PACRG: variants seen among roughly 807,000 people sequenced by gnomAD.
PACRG encodes parkin coregulated gene protein.
Under a neutral mutation model 29.7 loss-of-function variants are expected in PACRG, and 29 were observed. The observed-to-expected ratio is 0.98, with a 90% CI of 0.73 to 1.33. PACRG has a LOEUF of 1.33. Among genes scored for constraint, PACRG ranks in the 40% most tolerant of loss-of-function variants. PACRG has a pLI of 0.00. For missense variants in PACRG, 279 were observed against 316.2 expected, an observed-to-expected ratio of 0.88 and a Z score of 0.89; for synonymous variants, 116 against 118.7, an observed-to-expected ratio of 0.98 and a Z score of 0.15.
At chr6:162,981,405 C>G (rs1584930407) in intron 2 of PACRG, among the ~76,000 whole-genome samples, 1 of 151,592 alleles carries the variant, frequency 6.6e-6, no homozygotes, top group Non-Finnish European at 1.5e-5. Flanking sequence ...CACACACGCA[C>G]ACACATATAC....
intron 4 of PACRG, among the ~76,000 whole-genome samples, chr6:163,309,237 G>A (rs1406487229): frequency 6.6e-6 from 1 of 152,244 alleles, no homozygotes; most frequent in Admixed American, 6.5e-5. Flanking sequence ...AACGGCCAGA[G>A]CACAGCCCTA....
chr6:163,284,126 T>A (rs991123716), intron 4 of PACRG, among the ~76,000 whole-genome samples: 1 of 152,160 alleles, frequency 6.6e-6, no homozygotes, highest in Non-Finnish European at 1.5e-5. Context: ...AAAAAAAAAT[T>A]AAATAGGGTT....
chr6:162,863,519 G>A (rs1462728194), intron 2 of PACRG, among the ~76,000 whole-genome samples: 1 of 152,198 alleles, frequency 6.6e-6, no homozygotes, highest in Non-Finnish European at 1.5e-5. Flanking sequence ...AACAAAAGAG[G>A]ATGGCACTGC....
intron 4 of PACRG, among the ~76,000 whole-genome samples, chr6:163,185,365 A>G (rs1047917844): frequency 2.6e-5 from 4 of 152,248 alleles, no homozygotes; most frequent in Non-Finnish European, 4.4e-5. Context: ...ACATGGATCC[A>G]GCTTAATAAG....
intron 3 of PACRG, among the ~76,000 whole-genome samples, chr6:163,074,638 G>A (rs1812375559): frequency 9.2e-6 from 1 of 108,708 alleles, no homozygotes; most frequent in African/African-American, 5.2e-5. Flanking sequence ...ATTACACATT[G>A]CATGCCTGTA....
chr6:163,124,355 G>GT (rs139854089), intron 4 of PACRG, among the ~76,000 whole-genome samples: 4,126 of 151,664 alleles, frequency 0.027, 87 homozygotes, highest in Non-Finnish European at 0.044. Flanking sequence ...GACTTGCTAA[G>GT]TTTTTTTTTA....
chr6:163,177,737 T>TTTTTTTTTTTTTTG (rs1779447560), intron 4 of PACRG, among the ~76,000 whole-genome samples: 5 of 141,882 alleles, frequency 3.5e-5, no homozygotes, highest in South Asian at 2.3e-4. Context: ...TTTTTTTTTT[T>TTTTTTTTTTTTTTG]GCGGGTGGGA....
At chr6:162,843,961 A>T in intron 2 of PACRG, among the ~76,000 whole-genome samples, 1 of 101,396 alleles carries the variant, frequency 9.9e-6, no homozygotes, top group Non-Finnish European at 2.1e-5. Flanking sequence ...CCGTTCTCAG[A>T]TCTCCAGCTG....
At chr6:163,206,220 T>C (rs1291779217) in intron 4 of PACRG, among the ~76,000 whole-genome samples, 2 of 152,138 alleles carry the variant, frequency 1.3e-5, no homozygotes, top group Non-Finnish European at 2.9e-5. Context: ...GGTATATACC[T>C]GAAGTAATAT....
chr6:162,982,325 T>C (rs1190746772), intron 2 of PACRG, among the ~76,000 whole-genome samples: 1 of 152,074 alleles, frequency 6.6e-6, no homozygotes, highest in African/African-American at 2.4e-5. Context: ...CTTTGTCATT[T>C]CTTTTCTTCT....
intron 4 of PACRG, among the ~76,000 whole-genome samples, chr6:163,213,892 G>C (rs1166412917): frequency 6.6e-6 from 1 of 152,128 alleles, no homozygotes; most frequent in Non-Finnish European, 1.5e-5. Context: ...TAAAGATCTA[G>C]CTGTACATTT....
chr6:163,193,267 A>T (rs984626804), intron 4 of PACRG, among the ~76,000 whole-genome samples: 1 of 152,226 alleles, frequency 6.6e-6, no homozygotes, highest in Non-Finnish European at 1.5e-5. Context: ...AATCATTTCC[A>T]TAAGGCTTCA....
chr6:163,216,854 G>C (rs1182184327), intron 4 of PACRG, among the ~76,000 whole-genome samples: 5 of 152,170 alleles, frequency 3.3e-5, no homozygotes, highest in Admixed American at 6.5e-5. Flanking sequence ...AGGTTCTGCT[G>C]TCTTTAACTA....
rs531177095 is a variant in PACRG, at chr6:163,229,458, A to G, written c.614-85369A>G. Among the ~76,000 whole-genome samples, 7 of 152,360 alleles carry G rather than the reference A, an allele frequency of 4.6e-5. No individual in the cohort carries two copies. The East Asian group carries it at 1.4e-3, about 29-fold the overall frequency. The stretch of plus-strand genomic sequence containing the variant: ...CTGCTTCTCAGAGCACTCAGATTGC[A>G]TCTGATCTTTGCTTGCCAGAATCAT... On this transcript the variant is annotated intron_variant, in intron 4 of 4. Transcript: ENST00000366888.
At chr6:162,757,102 T>A (rs1409271558) in intron 1 of PACRG, among the ~76,000 whole-genome samples, 4 of 152,170 alleles carry the variant, frequency 2.6e-5, no homozygotes. Context: ...CAAAATTTTG[T>A]TATAGTTTTA....
chr6:162,835,824 C>T lies in PACRG; in HGVS notation c.291+21543C>T, dbSNP rs1218206564. Among the ~76,000 whole-genome samples, 3 of 152,216 alleles carry T rather than the reference C, an allele frequency of 2.0e-5. No individual in the cohort carries two copies. In the East Asian group the frequency reaches 5.8e-4, roughly 29 times the overall value. ...TTTCAACAAAAAGTAATAACTCACT[C>T]CAACTTTTCAACTCTTTTAAGGTCT... On this transcript the variant is annotated intron_variant, in intron 2 of 4. Coordinates refer to ENST00000366888, the MANE Select transcript of PACRG (RefSeq NM_001080379.2).
At chr6:163,228,937 C>A (rs907380366) in intron 4 of PACRG, among the ~76,000 whole-genome samples, 6 of 152,268 alleles carry the variant, frequency 3.9e-5, no homozygotes, top group African/African-American at 1.4e-4. Context: ...TACTTTCTCC[C>A]TGGACCTGAA....
chr6:162,746,827 A>T (rs1207399566), intron 1 of PACRG, among the ~76,000 whole-genome samples: 2 of 152,180 alleles, frequency 1.3e-5, no homozygotes, highest in Admixed American at 6.5e-5. Flanking sequence ...CATAACTTAC[A>T]GGAAAAAAGA....
intron 4 of PACRG, among the ~76,000 whole-genome samples, chr6:163,261,873 A>T (rs1395257649): frequency 2.0e-5 from 3 of 152,186 alleles, no homozygotes; most frequent in African/African-American, 7.2e-5. Flanking sequence ...TGCACCATTT[A>T]GTATCAGGGA....
Sources: gnomAD v4.1 joint callset for allele counts (sites outside exome capture counted in the v4.1 genomes callset) on GRCh38, gnomAD v4.1.1 for gene constraint, MANE v1.5 for transcripts, NCBI Gene and HGNC (gene_info 2026-07-23, HGNC 2026-07-21) for gene names.